The following ATP13A4 variants were observed in gnomAD, a reference collection of about 807,000 sequenced individuals.
The protein encoded by ATP13A4 is ATPase 13A4, also known as probable cation-transporting ATPase 13A4.
A neutral mutation model predicts 142.5 loss-of-function variants in ATP13A4; 114 were observed. The observed-to-expected ratio is 0.80, with a 90% CI of 0.69 to 0.93. The LOEUF (loss-of-function observed/expected upper bound fraction) is 0.93, where lower values mean the gene tolerates loss of function less well. Ranked by LOEUF, ATP13A4 falls within the 40% of genes least tolerant of loss-of-function variation. ATP13A4 has a pLI of 0.00. For synonymous variants in ATP13A4, 488 were observed against 514.8 expected, an observed-to-expected ratio of 0.95 and a Z score of 0.70; for missense variants, 1,392 against 1,454.0, an observed-to-expected ratio of 0.96 and a Z score of 0.69.
intron 8 of ATP13A4, among the ~76,000 whole-genome samples, chr3:193,481,897 T>A (rs1477271373): frequency 6.6e-6 from 1 of 152,196 alleles, no homozygotes; most frequent in Non-Finnish European, 1.5e-5. Context: ...TGTATTTCTA[T>A]AAATTATTGT....
chr3:193,484,676 C>T (rs144805658), intron 7 of ATP13A4, among the ~76,000 whole-genome samples: 1 of 152,074 alleles, frequency 6.6e-6, no homozygotes, highest in African/African-American at 2.4e-5. Flanking sequence ...GTCAAAAAGA[C>T]AGGGTGTTCT....
intron 1 of ATP13A4, among the ~76,000 whole-genome samples, chr3:193,534,122 C>T (rs1450754849): frequency 3.9e-5 from 6 of 152,222 alleles, no homozygotes; most frequent in Middle Eastern, 6.8e-3. Flanking sequence ...TACCTTTATC[C>T]ACCAGTAATA....
At chr3:193,545,620 G>A (rs922680792) in intron 1 of ATP13A4, among the ~76,000 whole-genome samples, 1 of 152,128 alleles carries the variant, frequency 6.6e-6, no homozygotes, top group Non-Finnish European at 1.5e-5. Context: ...TCTTCACAAA[G>A]CCTTGAAATG....
Position 193,414,768 on chromosome 3 carries a change from A to G in ATP13A4, c.2843-18T>C, listed in dbSNP as rs372944782. On this transcript the variant is annotated intron_variant, in intron 25 of 29. Coordinates refer to ENST00000342695, the MANE Select transcript of ATP13A4 (RefSeq NM_032279.4). Reference sequence around the variant, plus strand: ...CAGATTCACTATAAAATAAATTCGAATTTTATATTTATGAGAGCAGGAAAA... The same window carrying G: ...CAGATTCACTATAAAATAAATTCGAGTTTTATATTTATGAGAGCAGGAAAA... 11 of 1,612,366 alleles carry G rather than the reference A, an allele frequency of 6.8e-6. No homozygotes were observed. The highest frequency in any genetic ancestry group is 6.7e-5 in the Admixed American group (4 of 59,918).
At chr3:193,557,703 T>G (rs1350927416), upstream of ATP13A4, among the ~76,000 whole-genome samples, 1 of 152,184 alleles carries the variant, frequency 6.6e-6, no homozygotes, top group Non-Finnish European at 1.5e-5. Context: ...CTAATACCTC[T>G]TCTACACATT....
chr3:193,451,815 C>CA (rs1196662112), intron 17 of ATP13A4, among the ~76,000 whole-genome samples: 2 of 152,132 alleles, frequency 1.3e-5, no homozygotes, highest in African/African-American at 2.4e-5. Flanking sequence ...AACCCCAAAA[C>CA]AACAGCAAGA....
At chr3:193,456,098 A>G (rs931747837) in intron 16 of ATP13A4, among the ~76,000 whole-genome samples, 1 of 152,188 alleles carries the variant, frequency 6.6e-6, no homozygotes, top group African/African-American at 2.4e-5. Context: ...ACAGTGAATT[A>G]ATCTGTACAA....
intron 2 of ATP13A4, among the ~76,000 whole-genome samples, chr3:193,560,239 C>T (rs762028225): frequency 6.6e-6 from 1 of 151,410 alleles, no homozygotes; most frequent in South Asian, 2.1e-4. Context: ...GACAGGGTCT[C>T]GCTCTGTCAC....
At chr3:193,572,402 A>G (rs1165863566) in intron 2 of ATP13A4, among the ~76,000 whole-genome samples, 1 of 152,222 alleles carries the variant, frequency 6.6e-6, no homozygotes, top group East Asian at 1.9e-4. Flanking sequence ...ATTGAGAACT[A>G]CCTATTTTAA....
At position 193,418,048 on chromosome 3, in the gene ATP13A4, G is replaced by C. The variant is rs1418792618; in HGVS notation, c.2843-3298C>G. ...GAGGCAGGAGAATGGCGTGAACCCG[G>C]GAGGCAGAGCTTGCAGTGAGCCGAG... On this transcript the variant is annotated intron_variant, in intron 25 of 29. Transcript: ENST00000342695. Among the ~76,000 whole-genome samples, 50 of 132,538 alleles carry C rather than the reference G, an allele frequency of 3.8e-4. 3 individuals carry two copies. The highest frequency in any genetic ancestry group is 1.3e-3 in the African/African-American group (48 of 35,758). 87.0% of individuals were successfully genotyped at this position (132,538 alleles called of 152,430 possible). A position where few individuals can be genotyped will look rare whatever the true frequency, so the allele number is the denominator to read the frequency against.
At chr3:193,471,690 A>T (rs547034633) in intron 8 of ATP13A4, among the ~76,000 whole-genome samples, 41 of 152,098 alleles carry the variant, frequency 2.7e-4, no homozygotes, top group African/African-American at 9.6e-4. Flanking sequence ...ACACACACAC[A>T]CACAAACACA....
At chr3:193,408,052 G>A (rs1456943864) in intron 28 of ATP13A4, among the ~76,000 whole-genome samples, 3 of 152,216 alleles carry the variant, frequency 2.0e-5, no homozygotes, top group Non-Finnish European at 4.4e-5. Context: ...ACCCCTTCCA[G>A]GCACATGCCT....
intron 2 of ATP13A4, among the ~76,000 whole-genome samples, chr3:193,505,731 C>A (rs1032502252): frequency 2.0e-5 from 3 of 152,104 alleles, no homozygotes; most frequent in African/African-American, 7.2e-5. Flanking sequence ...GTCAAATCAC[C>A]CAGCTTTTTA....
chr3:193,507,075 T>G (rs994634883), intron 2 of ATP13A4, among the ~76,000 whole-genome samples: 1 of 152,146 alleles, frequency 6.6e-6, no homozygotes, highest in Non-Finnish European at 1.5e-5. Flanking sequence ...TCTTGTATAG[T>G]TCACTACACA....
Position 193,510,045 on chromosome 3 carries a change from G to A in ATP13A4, c.234+4653C>T, listed in dbSNP as rs562339687. Among the ~76,000 whole-genome samples, 3 of 152,266 alleles carry A rather than the reference G, an allele frequency of 2.0e-5. No homozygotes were observed. In the East Asian group the frequency reaches 5.8e-4, roughly 29 times the overall value. ...AGGAATTATCAGAAGAAACTTTATG[G>A]GTAAAAGCAGGCACAAAACAGTGTC... On this transcript the variant is annotated intron_variant, in intron 2 of 29. Coordinates refer to ENST00000342695, the MANE Select transcript of ATP13A4 (RefSeq NM_032279.4).
chr3:193,416,149 G>C (rs931191434), intron 25 of ATP13A4, among the ~76,000 whole-genome samples: 1 of 152,100 alleles, frequency 6.6e-6, no homozygotes, highest in Non-Finnish European at 1.5e-5. Context: ...GGACATATGC[G>C]ATCTCACATG....
intron 18 of ATP13A4, among the ~76,000 whole-genome samples, chr3:193,444,109 C>T (rs1021046840): frequency 1.3e-5 from 2 of 152,052 alleles, no homozygotes; most frequent in African/African-American, 2.4e-5. Context: ...ACAAGATAAA[C>T]TTAGTGAGAA....
At chr3:193,507,390 G>A (rs943664128) in intron 2 of ATP13A4, among the ~76,000 whole-genome samples, 4 of 151,526 alleles carry the variant, frequency 2.6e-5, no homozygotes, top group African/African-American at 9.7e-5. Context: ...TTAACATCCC[G>A]ACCTCATATT....
intron 8 of ATP13A4, among the ~76,000 whole-genome samples, chr3:193,478,944 G>A (rs1361327630): frequency 6.6e-6 from 1 of 152,152 alleles, no homozygotes; most frequent in Non-Finnish European, 1.5e-5. Flanking sequence ...TTCATACCAA[G>A]AATGCAGGGA....
Sources: gnomAD v4.1 joint callset for allele counts (sites outside exome capture counted in the v4.1 genomes callset) on GRCh38, gnomAD v4.1.1 for gene constraint, MANE v1.5 for transcripts, NCBI Gene and HGNC (gene_info 2026-07-23, HGNC 2026-07-21) for gene names.